The following CABLES1 variants were observed in gnomAD, a reference collection of about 807,000 sequenced individuals.
CABLES1 encodes the protein Cdk5 and Abl enzyme substrate 1, also known as CDK5 and ABL1 enzyme substrate 1.
A neutral mutation model predicts 57.8 loss-of-function variants in CABLES1; 36 were observed. The observed-to-expected ratio is 0.62, with a 90% CI of 0.48 to 0.82. The LOEUF is 0.82. Among genes scored for constraint, CABLES1 ranks in the 40% least tolerant of loss-of-function variants. The pLI is 0.00. For synonymous variants in CABLES1, 374 were observed against 363.0 expected (o/e 1.03, Z -0.35); for missense variants, 767 against 836.6 (o/e 0.92, Z 1.03).
At chr18:23,186,823 C>T (rs1235343284) in intron 1 of CABLES1, among the ~76,000 whole-genome samples, 1 of 152,168 alleles carries the variant, frequency 6.6e-6, no homozygotes, top group African/African-American at 2.4e-5. Flanking sequence ...AGAATTACAC[C>T]ACCCTGGATG....
chr18:23,148,138 C>A (rs534521917), intron 1 of CABLES1, among the ~76,000 whole-genome samples: 1 of 151,922 alleles, frequency 6.6e-6, no homozygotes, highest in Non-Finnish European at 1.5e-5. Context: ...TACAGGCGCC[C>A]GCCACCATGC....
At chr18:23,238,068 C>T (rs941590488) in intron 7 of CABLES1, among the ~76,000 whole-genome samples, 41 of 152,398 alleles carry the variant, frequency 2.7e-4, no homozygotes, top group African/African-American at 8.4e-4. Flanking sequence ...CCGGGCCTGG[C>T]GGGGCCGGCA....
rs1048142500 is a variant in CABLES1, at chr18:23,161,296, C to T, written c.845+24689C>T. Among the ~76,000 whole-genome samples, 6 of 149,986 alleles carry T rather than the reference C, an allele frequency of 4.0e-5. No individual in the cohort carries two copies. In the South Asian group the frequency reaches 6.2e-4, roughly 16 times the overall value. On this transcript the variant is annotated intron_variant, in intron 1 of 9. Coordinates refer to ENST00000256925, the MANE Select transcript of CABLES1 (RefSeq NM_001100619.3). ...TCTTTATCATGTCTTGCCTTTCTAT[C>T]TTCTTCTAAAACACTTTACTGGTGT...
At chr18:23,222,571 G>GATTAGATATATAGATATATATA (rs984755863) in intron 4 of CABLES1, among the ~76,000 whole-genome samples, 3 of 147,836 alleles carry the variant, frequency 2.0e-5, no homozygotes, top group East Asian at 2.0e-4. Context: ...GATATATATA[G>GATTAGATATATAGATATATATA]ATTAGATATA....
chr18:23,204,127 CTTGGCTT>C (rs1198305280), intron 3 of CABLES1, among the ~76,000 whole-genome samples: 1 of 152,170 alleles, frequency 6.6e-6, no homozygotes, highest in Admixed American at 6.5e-5. Context: ...ATCGCATTTC[CTTGGCTT>C]TATTCACCTG....
chr18:23,226,090 A>G (rs1452294453), intron 4 of CABLES1, among the ~76,000 whole-genome samples: 1 of 152,206 alleles, frequency 6.6e-6, no homozygotes, highest in Non-Finnish European at 1.5e-5. Flanking sequence ...AGAAGGTGAA[A>G]TAATACAAAC....
chr18:23,134,619 G>T (rs2046803880), upstream of CABLES1: 1 of 152,200 alleles, frequency 6.6e-6, no homozygotes, highest in Admixed American at 6.5e-5. Flanking sequence ...GTTTATGAGG[G>T]AGAAGAGATC....
intron 1 of CABLES1, 125 bp from the exon 2 acceptor site, chr18:23,188,713 C>T (rs368728968): frequency 6.8e-6 from 5 of 737,986 alleles, no homozygotes; most frequent in Non-Finnish European, 7.2e-6. Context: ...TTAGAGACAG[C>T]TTTTGTCTGA....
At chr18:23,168,471 T>C (rs954615651) in intron 1 of CABLES1, among the ~76,000 whole-genome samples, 4 of 151,538 alleles carry the variant, frequency 2.6e-5, no homozygotes, top group Admixed American at 1.3e-4. Flanking sequence ...CAGGGGAAAA[T>C]GGGGAGTATT....
At chr18:23,160,039 C>A (rs1041619691) in intron 1 of CABLES1, among the ~76,000 whole-genome samples, 1 of 140,878 alleles carries the variant, frequency 7.1e-6, no homozygotes, top group African/African-American at 2.6e-5. Context: ...CAAGCAAGAA[C>A]TTTTTTTTTT....
At position 23,253,738 on chromosome 18, in the gene CABLES1, A is replaced by G; in HGVS notation, c.1563A>G (p.Arg521=). ...LTLSKIRSLK[R]EMRKLAQEDC... Reference sequence around the variant, plus strand: ...GCCTGTCTTTCTCCAGTCTGAAACGAGAGATGCGGAAGCTTGCGCAGGAGG... The same window carrying G: ...GCCTGTCTTTCTCCAGTCTGAAACGGGAGATGCGGAAGCTTGCGCAGGAGG... The change falls in exon 9 of 10, where the codon CGA becomes CGG. Residue 521 remains arginine (R), a synonymous_variant. Coordinates refer to ENST00000256925, the MANE Select transcript of CABLES1 (RefSeq NM_001100619.3). The G allele has an allele frequency of 6.2e-7, 1 of 1,614,086 alleles. No homozygotes were observed. Among genetic ancestry groups the G allele is most frequent in the Middle Eastern group, 1.7e-4 (1 of 6,058 alleles).
At position 23,144,976 on chromosome 18, in the gene CABLES1, C is replaced by T. The variant is rs2144953266; in HGVS notation, c.845+8369C>T. 2.0e-5 allele frequency among the ~76,000 whole-genome samples: 3 copies of T among 151,164 alleles called. 1 individual carries two copies. The South Asian group carries it at 6.3e-4, about 32-fold the overall frequency. On this transcript the variant is annotated intron_variant, in intron 1 of 9. Coordinates refer to ENST00000256925, the MANE Select transcript of CABLES1 (RefSeq NM_001100619.3). ...TTTGAGACGGAGCCTCACTCTGTTG[C>T]CCAGGCTGGAGTACAGTGGCGCAAT...
intron 7 of CABLES1, among the ~76,000 whole-genome samples, chr18:23,242,518 C>T (rs1334106508): frequency 1.3e-5 from 2 of 152,096 alleles, no homozygotes; most frequent in African/African-American, 4.8e-5. Flanking sequence ...AACGTGGCAG[C>T]CCAGGTCGGT....
chr18:23,181,578 G>A (rs1212335872), intron 1 of CABLES1, among the ~76,000 whole-genome samples: 1 of 145,162 alleles, frequency 6.9e-6, no homozygotes, highest in Non-Finnish European at 1.5e-5. Context: ...AAGGTCAGAA[G>A]GTCAGGTGCT....
At chr18:23,163,201 G>C (rs1186975144) in intron 1 of CABLES1, among the ~76,000 whole-genome samples, 1 of 152,106 alleles carries the variant, frequency 6.6e-6, no homozygotes, top group Non-Finnish European at 1.5e-5. Context: ...TATGGAGGAG[G>C]AGGAGGAAGA....
Position 23,150,217 on chromosome 18 carries a change from T to G in CABLES1, c.845+13610T>G, listed in dbSNP as rs1177501677. Among the ~76,000 whole-genome samples the G allele has an allele frequency of 1.8e-4, 26 of 145,178 alleles. 2 individuals are homozygous for G. Among genetic ancestry groups the G allele is most frequent in the African/African-American group, 6.8e-4 (26 of 38,220 alleles). On this transcript the variant is annotated intron_variant, in intron 1 of 9. Transcript: ENST00000256925. The stretch of plus-strand genomic sequence containing the variant: ...TAGTAGTTGGTGTTTGTTTTTTTTT[T>G]TTTTTTTTTGAGACGGAGTCTTGCT...
At chr18:23,233,214 TG>T (rs2145080090) in intron 4 of CABLES1, among the ~76,000 whole-genome samples, 1 of 152,240 alleles carries the variant, frequency 6.6e-6, no homozygotes, top group Admixed American at 6.5e-5. Flanking sequence ...GCCAACTGCC[TG>T]GGGGTGGGAG....
intron 7 of CABLES1, among the ~76,000 whole-genome samples, chr18:23,248,512 CT>C (rs59555750): frequency 0.012 from 1,103 of 90,724 alleles, 21 homozygotes; most frequent in Admixed American, 0.049. Context: ...GACCCTATGT[CT>C]TTTTTTTTTT....
At chr18:23,223,579 G>GAA (rs1164603815) in intron 4 of CABLES1, among the ~76,000 whole-genome samples, 8 of 71,826 alleles carry the variant, frequency 1.1e-4, no homozygotes, top group South Asian at 4.5e-4. Context: ...CTCCGTCTCA[G>GAA]AAAAAAAAAA....
Sources: allele counts gnomAD v4.1 joint callset (sites outside exome capture counted in the v4.1 genomes callset), GRCh38; gene constraint gnomAD v4.1.1; transcripts MANE v1.5; gene names NCBI Gene and HGNC (gene_info 2026-07-23, HGNC 2026-07-21).